The following XRN2 variants were observed in gnomAD, a reference collection of about 807,000 sequenced individuals.
XRN2 encodes the protein 5'-3' exoribonuclease 2.
In XRN2, 44 loss-of-function variants were observed where a neutral mutation model predicts 138.5. That is an observed-to-expected ratio of 0.32 (90% CI 0.25 to 0.41). The LOEUF is 0.41. Among genes scored for constraint, XRN2 ranks in the 10% least tolerant of loss-of-function variants. The pLI is 1.00. For synonymous variants in XRN2, 354 were observed against 369.4 expected, an observed-to-expected ratio of 0.96 and a Z score of 0.48; for missense variants, 937 against 1,169.3, an observed-to-expected ratio of 0.80 and a Z score of 2.90.
At chr20:21,322,410 T>G (rs1485331714) in intron 1 of XRN2, among the ~76,000 whole-genome samples, 2 of 152,244 alleles carry the variant, frequency 1.3e-5, no homozygotes, top group Non-Finnish European at 2.9e-5. Context: ...ACCCATGGTT[T>G]GAATTTCTTT....
rs547954302 is a variant in XRN2, at chr20:21,372,577, C to A, written c.2584+3987C>A. On this transcript the variant is annotated intron_variant, in intron 27 of 29. Coordinates refer to ENST00000377191, the MANE Select transcript of XRN2 (RefSeq NM_012255.5). ...AACATAAAAAACACCCATAATTCCA[C>A]AGTCCCGAAATAAGCAGTGTTTCTT... 1.1e-4 allele frequency among the ~76,000 whole-genome samples: 17 copies of A among 152,304 alleles called. No homozygotes were observed. In the East Asian group the frequency reaches 3.3e-3, roughly 29 times the overall value.
Position 21,334,095 on chromosome 20 carries a change from T to C in XRN2, c.1143T>C (p.Ser381=). 6.2e-7 allele frequency: 1 copy of C among 1,613,982 alleles called. No individual in the cohort carries two copies. The change falls in exon 13 of 30, where the codon AGT becomes AGC. Residue 381 remains serine, a synonymous_variant. Coordinates refer to ENST00000377191, the MANE Select transcript of XRN2 (RefSeq NM_012255.5). ...VHKTGGYLTE[S]GYVNLQRVQM... is the part of the protein sequence containing the mutation. ...ACTTACAGGGTTACCTTACAGAAAG[T>C]GGTTATGTCAATCTGCAAAGAGTAC... is the stretch of plus-strand genomic sequence containing the variant.
At chr20:21,353,387 A>G (rs1211759876) in intron 20 of XRN2, among the ~76,000 whole-genome samples, 3 of 150,812 alleles carry the variant, frequency 2.0e-5, no homozygotes, top group Middle Eastern at 3.4e-3. Flanking sequence ...TCATGTGTTT[A>G]TCAGTAATTG....
intron 3 of XRN2, among the ~76,000 whole-genome samples, chr20:21,327,436 C>G (rs989812505): frequency 1.3e-5 from 2 of 152,160 alleles, no homozygotes; most frequent in Non-Finnish European, 2.9e-5. Flanking sequence ...TTTGGAAATT[C>G]AGAGAACTTT....
Position 21,389,382 on chromosome 20 carries a change from T to G in XRN2, c.*44T>G, listed in dbSNP as rs1243321862. 1 of 1,556,366 alleles carries G rather than the reference T, an allele frequency of 6.4e-7. No individual in the cohort carries two copies. On this transcript the variant is annotated 3_prime_UTR_variant, in exon 30 of 30. Transcript: ENST00000377191. ...CAAATCCTTTCATCATTCTACAGTT[T>G]TATGCTATTTGTGGAAAGATTTCTT...
intron 24 of XRN2, among the ~76,000 whole-genome samples, chr20:21,358,154 G>T (rs1275435363): frequency 6.6e-6 from 1 of 152,150 alleles, no homozygotes; most frequent in Non-Finnish European, 1.5e-5. Flanking sequence ...TATTACAACA[G>T]ACTATTTTAC....
intron 3 of XRN2, 49 bp from the exon 4 acceptor site, chr20:21,328,510 A>C (rs534790164): frequency 1.3e-6 from 2 of 1,528,812 alleles, no homozygotes; most frequent in African/African-American, 1.4e-5. Flanking sequence ...GTACAGATTT[A>C]TTTGTGAATA....
At chr20:21,348,904 A>G (rs570586842) in intron 19 of XRN2, among the ~76,000 whole-genome samples, 1 of 152,168 alleles carries the variant, frequency 6.6e-6, no homozygotes. Context: ...CGGCCTCCCA[A>G]AGTGCTGGGA....
chr20:21,339,070 A>G lies in XRN2; in HGVS notation c.1260A>G (p.Glu420=). 1 of 1,606,262 alleles carries G rather than the reference A, an allele frequency of 6.2e-7. No individual in the cohort carries two copies. The highest frequency in any genetic ancestry group is 8.5e-7 in the Non-Finnish European group (1 of 1,175,786). ...ACAGTTTTAGAAGACGACAGAAAGA[A>G]AAAAGAAAGAGAATGAAGGTGAGTT... ...DEDSFRRRQK[E]KRKRMKRDQP... The change falls in exon 14 of 30, where the codon GAA becomes GAG. Residue 420 remains glutamate, a synonymous_variant. Coordinates refer to ENST00000377191, the MANE Select transcript of XRN2 (RefSeq NM_012255.5).
At chr20:21,303,544 C>CT in intron 1 of XRN2, 71 bp downstream of exon 1, 4 of 1,453,474 alleles carry the variant, frequency 2.8e-6, no homozygotes. Flanking sequence ...GGCCCATGGG[C>CT]TCCGCCGCCT....
chr20:21,358,997 G>A (rs2038606846), intron 24 of XRN2, among the ~76,000 whole-genome samples: 2 of 152,162 alleles, frequency 1.3e-5, no homozygotes, highest in Non-Finnish European at 1.5e-5. Flanking sequence ...ATTGTCACAT[G>A]TTTGCTTGTG....
rs192183091 is a variant in XRN2, at chr20:21,328,792, A to G, written c.427+122A>G. On this transcript the variant is annotated intron_variant, in intron 4 of 29. Coordinates refer to ENST00000377191, the MANE Select transcript of XRN2 (RefSeq NM_012255.5). The stretch of plus-strand genomic sequence containing the variant: ...ATTTAATAAGGATCCCAGAATATCC[A>G]GTGTTCACTGTTGAGGAAAAGTAGT... The G allele has an allele frequency of 3.9e-5, 33 of 838,294 alleles. No homozygotes were observed. In the Admixed American group the frequency reaches 6.6e-4, roughly 17 times the overall value. The allele number at this position is 838,294 out of a possible 1,614,324, so 51.9% of individuals were successfully genotyped here. A position where few individuals can be genotyped will look rare whatever the true frequency, so the allele number is the denominator to read the frequency against.
At position 21,339,103 on chromosome 20, in the gene XRN2, A is replaced by G; in HGVS notation, c.1278+15A>G. On this transcript the variant is annotated intron_variant, in intron 14 of 29. Coordinates refer to ENST00000377191, the MANE Select transcript of XRN2 (RefSeq NM_012255.5). ...AGAGAATGAAGGTGAGTTTTAATTA[A>G]TTTCATGAGATTGGCAATAGCGTAA... is the stretch of plus-strand genomic sequence containing the variant. The G allele has an allele frequency of 1.3e-6, 2 of 1,599,062 alleles. No homozygotes were observed. Among genetic ancestry groups the G allele is most frequent in the Non-Finnish European group, 1.7e-6 (2 of 1,170,314 alleles).
intron 16 of XRN2, among the ~76,000 whole-genome samples, chr20:21,345,567 A>G (rs1031522956): frequency 6.6e-6 from 1 of 152,208 alleles, no homozygotes; most frequent in Admixed American, 6.5e-5. Context: ...TGATGTTTGT[A>G]AAGTGTTATT....
At chr20:21,309,758 C>A (rs1319793514) in intron 1 of XRN2, among the ~76,000 whole-genome samples, 2 of 150,458 alleles carry the variant, frequency 1.3e-5, no homozygotes, top group Non-Finnish European at 3.0e-5. Context: ...CTTTTGTTTT[C>A]TTTTTTCTTC....
intron 1 of XRN2, among the ~76,000 whole-genome samples, chr20:21,322,685 T>C (rs2038062885): frequency 6.6e-6 from 1 of 152,260 alleles, no homozygotes; most frequent in Non-Finnish European, 1.5e-5. Context: ...ACCTGTGTAA[T>C]GTATATTTAT....
chr20:21,327,337 G>T (rs1192517703), intron 3 of XRN2, among the ~76,000 whole-genome samples: 1 of 152,090 alleles, frequency 6.6e-6, no homozygotes, highest in Admixed American at 6.6e-5. Flanking sequence ...CTATTAGGGG[G>T]GTAAGGTAAG....
At chr20:21,329,830 G>A (rs2038178166) in intron 4 of XRN2, among the ~76,000 whole-genome samples, 4 of 72,950 alleles carry the variant, frequency 5.5e-5, no homozygotes, top group Non-Finnish European at 1.3e-4. Context: ...TTTAGGAACT[G>A]TTATCAAAAA....
Position 21,333,976 on chromosome 20 carries a change from T to C in XRN2, c.1107T>C (p.Asn369=). The C allele has an allele frequency of 3.1e-6, 5 of 1,614,134 alleles. No individual in the cohort carries two copies. Among genetic ancestry groups the C allele is most frequent in the Middle Eastern group, 1.7e-4 (1 of 6,060 alleles). The change falls in exon 12 of 30, where the codon AAT becomes AAC. Residue 369 remains asparagine, a synonymous_variant. Transcript: ENST00000377191. ...AIDRLVNIYK[N]VVHKTGGYLT... ...ACCGTTTGGTTAACATATACAAAAATGTGGTACACAAAACTGGGGTAAGTT... is the reference window on the plus strand; with the variant it reads ...ACCGTTTGGTTAACATATACAAAAACGTGGTACACAAAACTGGGGTAAGTT...
Sources: gnomAD v4.1 joint callset for allele counts (sites outside exome capture counted in the v4.1 genomes callset) on GRCh38, gnomAD v4.1.1 for gene constraint, MANE v1.5 for transcripts, NCBI Gene and HGNC (gene_info 2026-07-23, HGNC 2026-07-21) for gene names.